Variants in BTBD9 observed in about 807,000 individuals in gnomAD.
BTBD9 encodes the protein BTB/POZ domain-containing protein 9.
A neutral mutation model predicts 64.3 loss-of-function variants in BTBD9; 49 were observed. The ratio of observed to expected loss-of-function variants is 0.76; its 90% CI spans 0.61 to 0.97. The LOEUF is 0.97. Ranked by LOEUF, BTBD9 falls within the 50% of genes least tolerant of loss-of-function variation. The pLI, the probability that BTBD9 is intolerant of heterozygous loss-of-function variation, is 0.00. For missense variants in BTBD9, 598 were observed against 762.1 expected, an observed-to-expected ratio of 0.78 and a Z score of 2.53; for synonymous variants, 260 against 274.7, an observed-to-expected ratio of 0.95 and a Z score of 0.53.
At position 38,375,903 on chromosome 6, in the gene BTBD9, G is replaced by T. The variant is rs1316929302; in HGVS notation, c.1155-30810C>A. ...AAAAGAAAGAAAGAAAAGAAAGAAA[G>T]AAAGAAAGAAAGAAAGAAAGAAAGA... is the stretch of plus-strand genomic sequence containing the variant. On this transcript the variant is annotated intron_variant, in intron 6 of 10. Coordinates refer to ENST00000481247, the MANE Select transcript of BTBD9 (RefSeq NM_001099272.2). Among the ~76,000 whole-genome samples, 3 of 110,586 alleles carry T rather than the reference G, an allele frequency of 2.7e-5. No individual in the cohort carries two copies. The East Asian group carries it at 2.0e-3, about 74-fold the overall frequency. The allele number at this position is 110,586 out of a possible 152,430, so 72.5% of individuals were successfully genotyped here.
Position 38,415,579 on chromosome 6 carries a change from C to G in BTBD9, c.1155-70486G>C, listed in dbSNP as rs571621447. On this transcript the variant is annotated intron_variant, in intron 6 of 10. Coordinates refer to ENST00000481247, the MANE Select transcript of BTBD9 (RefSeq NM_001099272.2). Reference sequence around the variant, plus strand: ...CCACGAAGTCTGTGGTAATTTGTTACAACAGCAATAGGAAACTAATACAGC... The same window carrying G: ...CCACGAAGTCTGTGGTAATTTGTTAGAACAGCAATAGGAAACTAATACAGC... Among the ~76,000 whole-genome samples, 4 of 152,284 alleles carry G rather than the reference C, an allele frequency of 2.6e-5. No individual in the cohort carries two copies. The South Asian group carries it at 8.3e-4, about 32-fold the overall frequency.
intron 6 of BTBD9, among the ~76,000 whole-genome samples, chr6:38,551,264 G>C (rs943102013): frequency 6.6e-6 from 1 of 152,304 alleles, no homozygotes; most frequent in African/African-American, 2.4e-5. Flanking sequence ...AATCTTCAGA[G>C]TGAAGACAAT....
At chr6:38,195,781 C>A (rs1194219621) in intron 9 of BTBD9, among the ~76,000 whole-genome samples, 1 of 151,374 alleles carries the variant, frequency 6.6e-6, no homozygotes, top group Admixed American at 6.6e-5. Context: ...ATTTTTTATT[C>A]TTTCCCATGC....
Position 38,342,523 on chromosome 6 carries a change from G to A in BTBD9, c.1264+2461C>T, listed in dbSNP as rs187160310. 2.1e-3 allele frequency among the ~76,000 whole-genome samples: 280 copies of A among 136,138 alleles called. 1 individual carries two copies. The highest frequency in any genetic ancestry group is 6.5e-3 in the African/African-American group (232 of 35,882). 89.3% of individuals were successfully genotyped at this position (136,138 alleles called of 152,430 possible). ...TGCACTCCAGCCTGGACAACAGAGC[G>A]AGACTCTGTCTCAAAAAAAAAAAAA... On this transcript the variant is annotated intron_variant, in intron 7 of 10. Coordinates refer to ENST00000481247, the MANE Select transcript of BTBD9 (RefSeq NM_001099272.2).
At chr6:38,515,740 T>C (rs1772997470) in intron 6 of BTBD9, among the ~76,000 whole-genome samples, 2 of 152,158 alleles carry the variant, frequency 1.3e-5, no homozygotes, top group African/African-American at 4.8e-5. Context: ...AAATAAGCAA[T>C]GGGAGGCCTC....
chr6:38,269,242 A>T (rs778678908), intron 8 of BTBD9, among the ~76,000 whole-genome samples: 3 of 152,234 alleles, frequency 2.0e-5, no homozygotes, highest in Non-Finnish European at 4.4e-5. Flanking sequence ...GAAAATCCTA[A>T]CTACCAACTA....
chr6:38,546,672 GTTTTA>G (rs1774567152), intron 6 of BTBD9, among the ~76,000 whole-genome samples: 1 of 151,996 alleles, frequency 6.6e-6, no homozygotes, highest in Admixed American at 6.6e-5. Context: ...TTGTTTGTTT[GTTTTA>G]TTTTGTTTTG....
intron 6 of BTBD9, among the ~76,000 whole-genome samples, chr6:38,506,671 G>A (rs368720645): frequency 2.0e-4 from 31 of 152,202 alleles, no homozygotes; most frequent in African/African-American, 7.0e-4. Flanking sequence ...CACCTCCATT[G>A]CCACCAGCAT....
chr6:38,220,379 C>A (rs1409350118), intron 9 of BTBD9, among the ~76,000 whole-genome samples: 1 of 152,200 alleles, frequency 6.6e-6, no homozygotes, highest in South Asian at 2.1e-4. Flanking sequence ...AAGCTCCATC[C>A]CACCCCAAAG....
At chr6:38,502,692 T>C (rs1370323805) in intron 6 of BTBD9, among the ~76,000 whole-genome samples, 2 of 152,240 alleles carry the variant, frequency 1.3e-5, no homozygotes, top group Non-Finnish European at 2.9e-5. Context: ...TGGCTTATCA[T>C]TAATGAGCAC....
At chr6:38,618,047 G>A (rs185126967) in intron 1 of BTBD9, among the ~76,000 whole-genome samples, 5 of 152,296 alleles carry the variant, frequency 3.3e-5, no homozygotes, top group African/African-American at 4.8e-5. Context: ...TTCAGTGAGC[G>A]CAACTATTCC....
intron 6 of BTBD9, among the ~76,000 whole-genome samples, chr6:38,419,598 C>T (rs920969130): frequency 1.3e-5 from 2 of 152,170 alleles, no homozygotes; most frequent in African/African-American, 2.4e-5. Flanking sequence ...GAGCTGGGTG[C>T]GGTGGCTCAT....
At chr6:38,301,442 C>T (rs1001918615) in intron 7 of BTBD9, among the ~76,000 whole-genome samples, 2 of 152,172 alleles carry the variant, frequency 1.3e-5, no homozygotes, top group East Asian at 1.9e-4. Context: ...ATGGTACCAG[C>T]TCCTCCTTGT....
intron 8 of BTBD9, among the ~76,000 whole-genome samples, chr6:38,270,216 C>T (rs1184015327): frequency 6.6e-6 from 1 of 152,178 alleles, no homozygotes; most frequent in Non-Finnish European, 1.5e-5. Flanking sequence ...CCTTATAATC[C>T]TTTTTGCTGG....
At chr6:38,258,022 G>A (rs1159488523) in intron 8 of BTBD9, among the ~76,000 whole-genome samples, 2 of 151,746 alleles carry the variant, frequency 1.3e-5, no homozygotes, top group African/African-American at 2.4e-5. Flanking sequence ...GTCTCACTCT[G>A]TCTCCTGGGC....
intron 6 of BTBD9, among the ~76,000 whole-genome samples, chr6:38,564,712 C>G (rs1438003903): frequency 6.6e-6 from 1 of 151,978 alleles, no homozygotes; most frequent in Non-Finnish European, 1.5e-5. Flanking sequence ...CATGGTGAAA[C>G]CCCATCTCTA....
Position 38,171,900 on chromosome 6 carries a change from A to C in BTBD9, c.*3085T>G, listed in dbSNP as rs1197882341. The C allele has an allele frequency of 1.4e-5, 2 of 147,858 alleles. No individual in the cohort carries two copies. The highest frequency in any genetic ancestry group is 5.0e-5 in the African/African-American group (2 of 40,236). 9.2% of individuals were successfully genotyped at this position (147,858 alleles called of 1,614,324 possible). Reference sequence around the variant, plus strand: ...AAAAAAAATAATAATAATAATAATAATAATAATAATGAAAAGTGAAGGGTG... The same window carrying C: ...AAAAAAAATAATAATAATAATAATACTAATAATAATGAAAAGTGAAGGGTG... On this transcript the variant is annotated 3_prime_UTR_variant, in exon 11 of 11. Coordinates refer to ENST00000481247, the MANE Select transcript of BTBD9 (RefSeq NM_001099272.2).
chr6:38,504,550 G>C (rs1345963531), intron 6 of BTBD9: 1 of 456,654 alleles, frequency 2.2e-6, no homozygotes, highest in East Asian at 6.9e-5. Context: ...CTGTATCATA[G>C]ATCTCTCATA....
intron 6 of BTBD9, among the ~76,000 whole-genome samples, chr6:38,475,208 T>A (rs1299991872): frequency 1.3e-5 from 2 of 152,170 alleles, no homozygotes; most frequent in Admixed American, 1.3e-4. Flanking sequence ...AGTACTGAAT[T>A]AGTGGTCTAC....
Sources: gnomAD v4.1 joint callset for allele counts (sites outside exome capture counted in the v4.1 genomes callset) on GRCh38, gnomAD v4.1.1 for gene constraint, MANE v1.5 for transcripts, NCBI Gene and HGNC (gene_info 2026-07-23, HGNC 2026-07-21) for gene names.